The following CALN1 variants were observed in gnomAD, a reference collection of about 807,000 sequenced individuals.
CALN1 encodes the protein calneuron 1.
A neutral mutation model predicts 30.6 loss-of-function variants in CALN1; 17 were observed. The ratio of observed to expected loss-of-function variants is 0.56; its 90% CI spans 0.38 to 0.83. The LOEUF is 0.83. CALN1 is among the 40% of genes least tolerant of loss of function. CALN1 has a pLI of 0.00. For synonymous variants in CALN1, 156 were observed against 131.4 expected, an observed-to-expected ratio of 1.19 and a Z score of -1.28; for missense variants, 291 against 354.9, an observed-to-expected ratio of 0.82 and a Z score of 1.45.
Position 72,047,448 on chromosome 7 carries a change from G to A in CALN1, c.389-23679C>T, listed in dbSNP as rs755551053. ...ACAAAACAAATAAAAAATTAGCTGG[G>A]TGTGGTGGTGAGTGCCTGTAGTCCC... On this transcript the variant is annotated intron_variant, in intron 4 of 6. Coordinates refer to ENST00000395275, the MANE Select transcript of CALN1 (RefSeq NM_031468.4). Among the ~76,000 whole-genome samples, 45 of 152,236 alleles carry A rather than the reference G, an allele frequency of 3.0e-4. No individual in the cohort carries two copies. In the Middle Eastern group the frequency reaches 0.01, roughly 35 times the overall value.
chr7:72,376,914 G>A (rs1369488157), intron 2 of CALN1, among the ~76,000 whole-genome samples: 3 of 152,176 alleles, frequency 2.0e-5, no homozygotes, highest in Admixed American at 2.0e-4. Flanking sequence ...TGGACATTCA[G>A]TTGTCTCAAC....
At chr7:72,393,238 C>T (rs1449266833) in intron 2 of CALN1, among the ~76,000 whole-genome samples, 4 of 152,190 alleles carry the variant, frequency 2.6e-5, no homozygotes, top group South Asian at 4.2e-4. Flanking sequence ...GAGGCCGAGG[C>T]GTGTGGATCA....
intron 4 of CALN1, among the ~76,000 whole-genome samples, chr7:72,075,661 A>G (rs1028210801): frequency 6.6e-6 from 1 of 152,046 alleles, no homozygotes; most frequent in African/African-American, 2.4e-5. Context: ...CTCAAGCCCA[A>G]CCCTGGCCCT....
intron 2 of CALN1, among the ~76,000 whole-genome samples, chr7:72,377,590 GTTA>G (rs1804647512): frequency 6.6e-6 from 1 of 151,998 alleles, no homozygotes; most frequent in Non-Finnish European, 1.5e-5. Context: ...GCTTATTTTA[GTTA>G]TTGTTTGTTT....
intron 3 of CALN1, among the ~76,000 whole-genome samples, chr7:72,115,478 T>C (rs951039995): frequency 1.4e-5 from 2 of 140,648 alleles, no homozygotes; most frequent in Non-Finnish European, 3.0e-5. Flanking sequence ...ATTACACATA[T>C]ACATTCTTTT....
Position 71,900,294 on chromosome 7 carries a change from G to A in CALN1, c.502-89802C>T, listed in dbSNP as rs537445899. 9.9e-5 allele frequency among the ~76,000 whole-genome samples: 15 copies of A among 152,228 alleles called. No individual in the cohort carries two copies. In the East Asian group the frequency reaches 2.3e-3, roughly 24 times the overall value. On this transcript the variant is annotated intron_variant, in intron 5 of 6. Coordinates refer to ENST00000395275, the MANE Select transcript of CALN1 (RefSeq NM_031468.4). ...ATTTTCACCACTCCTATTCAAGAGG[G>A]TACTGGAAGTCTTAGCCAGAGCTAT...
At chr7:72,050,438 C>T (rs1436629817) in intron 4 of CALN1, among the ~76,000 whole-genome samples, 3 of 152,002 alleles carry the variant, frequency 2.0e-5, no homozygotes, top group Admixed American at 1.3e-4. Flanking sequence ...TATGGTAGAT[C>T]GCAAAAAATC....
At position 71,779,691 on chromosome 7, in the gene CALN1, A is replaced by C. The variant is rs1017018086; in HGVS notation, c.*8084T>G. 6.6e-6 allele frequency: 1 copy of C among 152,298 alleles called. No homozygotes were observed. Among genetic ancestry groups the C allele is most frequent in the African/African-American group, 2.4e-5 (1 of 41,560 alleles). 9.4% of individuals were successfully genotyped at this position (152,298 alleles called of 1,614,324 possible). On this transcript the variant is annotated 3_prime_UTR_variant, in exon 7 of 7. Coordinates refer to ENST00000395275, the MANE Select transcript of CALN1 (RefSeq NM_031468.4). The stretch of plus-strand genomic sequence containing the variant: ...GGTAAGTTGCATGCTAAGTTAATTT[A>C]TATTAATATGTACATTTTATATAAA...
intron 4 of CALN1, among the ~76,000 whole-genome samples, chr7:72,085,838 C>T (rs1202583329): frequency 1.3e-5 from 2 of 151,898 alleles, no homozygotes; most frequent in African/African-American, 4.8e-5. Flanking sequence ...CTGAAGAAAA[C>T]AAAGAAAAAA....
At chr7:71,875,727 G>A (rs1203922823) in intron 5 of CALN1, among the ~76,000 whole-genome samples, 1 of 152,146 alleles carries the variant, frequency 6.6e-6, no homozygotes, top group Non-Finnish European at 1.5e-5. Context: ...AAAGAGGTGG[G>A]GTAAGGGGGC....
At chr7:72,294,034 G>A (rs868568002) in intron 2 of CALN1, among the ~76,000 whole-genome samples, 7 of 152,012 alleles carry the variant, frequency 4.6e-5, no homozygotes, top group Non-Finnish European at 4.4e-5. Flanking sequence ...GGAGGTGGAG[G>A]CTGTGGTGAG....
chr7:72,349,132 A>C (rs1350716315), intron 2 of CALN1, among the ~76,000 whole-genome samples: 1 of 152,190 alleles, frequency 6.6e-6, no homozygotes, highest in Non-Finnish European at 1.5e-5. Context: ...AGTGAGTTTG[A>C]AAAAATAGAA....
intron 4 of CALN1, among the ~76,000 whole-genome samples, chr7:72,072,756 A>C (rs1804485763): frequency 1.3e-5 from 2 of 152,234 alleles, no homozygotes; most frequent in South Asian, 4.1e-4. Context: ...TTGTGACATC[A>C]ACATGTAAAA....
At chr7:72,143,555 G>T (rs146386439) in intron 3 of CALN1, among the ~76,000 whole-genome samples, 24,297 of 152,056 alleles carry the variant, frequency 0.16, 2,426 homozygotes, top group East Asian at 0.29. Context: ...CACTCTGCAG[G>T]ATATTATCCA....
At chr7:72,201,006 A>T (rs567863327) in intron 3 of CALN1, among the ~76,000 whole-genome samples, 12 of 152,360 alleles carry the variant, frequency 7.9e-5, no homozygotes, top group African/African-American at 2.9e-4. Flanking sequence ...CACTATTCAC[A>T]ATAGCAAAGA....
intron 4 of CALN1, among the ~76,000 whole-genome samples, chr7:72,083,919 A>G (rs908923796): frequency 2.6e-5 from 4 of 152,168 alleles, no homozygotes; most frequent in South Asian, 4.1e-4. Context: ...GACATACTAC[A>G]TAACAATCGC....
At chr7:72,220,249 T>C (rs1370287996) in intron 3 of CALN1, among the ~76,000 whole-genome samples, 5 of 141,310 alleles carry the variant, frequency 3.5e-5, no homozygotes, top group African/African-American at 1.3e-4. Flanking sequence ...TGTCCATGTG[T>C]TCTCATTGTT....
At chr7:72,385,776 C>G (rs1373765473) in intron 2 of CALN1, among the ~76,000 whole-genome samples, 1 of 152,174 alleles carries the variant, frequency 6.6e-6, no homozygotes, top group Non-Finnish European at 1.5e-5. Context: ...GTTTCCTCAT[C>G]ACACGCTCTC....
chr7:71,836,704 G>T (rs969922329), intron 5 of CALN1, among the ~76,000 whole-genome samples: 3 of 146,238 alleles, frequency 2.1e-5, no homozygotes, highest in African/African-American at 7.6e-5. Context: ...TGCAACCTCC[G>T]CCTTCCAGGT....
Sources: allele counts gnomAD v4.1 joint callset (sites outside exome capture counted in the v4.1 genomes callset), GRCh38; gene constraint gnomAD v4.1.1; transcripts MANE v1.5; gene names NCBI Gene and HGNC (gene_info 2026-07-23, HGNC 2026-07-21).